ATP2B3: variants seen among roughly 807,000 people sequenced by gnomAD.
ATP2B3 encodes ATPase plasma membrane Ca2+ transporting 3, also known as plasma membrane calcium-transporting ATPase 3.
ATP2B3 carries 12 observed loss-of-function variants against 70.8 expected under a neutral mutation model. The observed-to-expected ratio is 0.17, with a 90% CI of 0.11 to 0.27. The LOEUF is 0.27. Ranked by LOEUF, ATP2B3 falls within the 10% of genes least tolerant of loss-of-function variation. ATP2B3 has a pLI of 1.00. For synonymous variants in ATP2B3, 460 were observed against 497.8 expected (o/e 0.92, Z 1.01); for missense variants, 858 against 1,118.5 (o/e 0.77, Z 3.32).
At chrX:153,570,466 GTCAC>G (rs1176051505) in intron 21 of ATP2B3, among the ~76,000 whole-genome samples, 1 of 112,212 alleles carries the variant, frequency 8.9e-6, no homozygotes, top group Non-Finnish European at 1.9e-5. Flanking sequence ...CACCATGTTG[GTCAC>G]AGTTTAAAGA....
intron 21 of ATP2B3, among the ~76,000 whole-genome samples, chrX:153,575,140 C>G (rs948700228): frequency 1.1e-4 from 12 of 112,653 alleles, no homozygotes; most frequent in African/African-American, 3.5e-4. Flanking sequence ...TGTTCAGAAA[C>G]AGCTCCAGCC....
At chrX:153,569,651 G>A in intron 21 of ATP2B3, 4 of 1,211,459 alleles carry the variant, frequency 3.3e-6, no homozygotes, top group Non-Finnish European at 4.5e-6. Context: ...TCAGGGTGCT[G>A]TGCGCCGGCG....
At chrX:153,526,000 G>A (rs1603016850) in intron 2 of ATP2B3, among the ~76,000 whole-genome samples, 2 of 113,202 alleles carry the variant, frequency 1.8e-5, no homozygotes, top group East Asian at 2.8e-4. Context: ...GGGCTCCCAG[G>A]CCACCGCCTG....
intron 3 of ATP2B3, 96 bp from the exon 4 acceptor site, chrX:153,541,263 G>C (rs1557006095): frequency 9.4e-7 from 1 of 1,064,707 alleles, no homozygotes; most frequent in East Asian, 3.1e-5. Flanking sequence ...GCCACCCCAG[G>C]AGCAGTCAGT....
intron 7 of ATP2B3, among the ~76,000 whole-genome samples, chrX:153,543,669 C>A (rs1426281888): frequency 2.7e-5 from 3 of 113,028 alleles, no homozygotes; most frequent in Non-Finnish European, 5.6e-5. Context: ...CAGGAGGGCC[C>A]ATTCCTCGTC....
intron 20 of ATP2B3, among the ~76,000 whole-genome samples, chrX:153,562,990 C>G (rs1603106881): frequency 9.0e-6 from 1 of 111,364 alleles, no homozygotes; most frequent in East Asian, 2.8e-4. Flanking sequence ...CTCCTAGGAG[C>G]ATTAATCCAG....
chrX:153,565,060 G>A lies in ATP2B3; in HGVS notation c.3299G>A (p.Gly1100Asp). Residue 1100 changes from glycine to aspartate, a missense_variant, in exon 21 of 22, where the codon GGC becomes GAC. Gly to Asp is a moderately conservative substitution (Grantham distance 94). Coordinates refer to ENST00000263519, the MANE Select transcript of ATP2B3 (RefSeq NM_001001344.3). ...CATGCCGAGCGGGAGCTCCGCAGGG[G>A]CCAGATCCTCTGGTTCCGGGGCCTG... is the stretch of plus-strand genomic sequence containing the variant. ...IDHAERELRR[G>D]QILWFRGLNR... The A allele has an allele frequency of 8.3e-7, 1 of 1,199,015 alleles. No individual in the cohort carries two copies.
chrX:153,521,851 A>T (rs1556997941), intron 2 of ATP2B3, among the ~76,000 whole-genome samples: 1 of 111,982 alleles, frequency 8.9e-6, no homozygotes, highest in East Asian at 2.8e-4. Context: ...CAGAGAGAGA[A>T]CATTTCCATC....
chrX:153,522,808 G>A lies in ATP2B3; in HGVS notation c.-127+4257G>A, dbSNP rs2089976879. Among the ~76,000 whole-genome samples the A allele has an allele frequency of 6.3e-5, 7 of 111,653 alleles. No homozygotes were observed. The Admixed American group carries it at 6.6e-4, about 11-fold the overall frequency. ...CACACCCAGCATGGGGCAAAAACCA[G>A]ATCCGGCCACCGCCTGGTCCTTATT... On this transcript the variant is annotated intron_variant, in intron 2 of 21. Transcript: ENST00000263519.
In ATP2B3 at chrX:153,556,285, C is replaced by T. The variant is rs373832891; in HGVS notation, c.2239-46C>T. On this transcript the variant is annotated intron_variant, in intron 14 of 21. Transcript: ENST00000263519. ...CCCTTCTCCTCACCCCAGCCCCCTG[C>T]GTGCCCGCCTTAGCTCTGCAGCGTC... 3.2e-5 allele frequency: 38 copies of T among 1,198,648 alleles called. 1 individual carries two copies. In the African/African-American group the frequency reaches 5.6e-4, roughly 18 times the overall value.
chrX:153,580,160 G>GCCCCCCCA lies in ATP2B3; in HGVS notation c.3530_3531insCCACCCCC (p.Ser1178HisfsTer12). ...ACGAGGAGCGCCTCCGGGCCCCCCCGCCCCCGTCCCCCAACCAGAACAACA... is the reference window on the plus strand; with the variant it reads ...ACGAGGAGCGCCTCCGGGCCCCCCCGCCCCCCCACCCCCGTCCCCCAACCAGAACAACA... On this transcript the variant is annotated frameshift_variant, in exon 22 of 22. Coordinates refer to ENST00000263519, the MANE Select transcript of ATP2B3 (RefSeq NM_001001344.3). LOFTEE classifies it high-confidence loss of function. The GCCCCCCCA allele has an allele frequency of 9.5e-7, 1 of 1,056,228 alleles. No homozygotes were observed. Among genetic ancestry groups the GCCCCCCCA allele is most frequent in the Non-Finnish European group, 1.2e-6 (1 of 812,029 alleles). The allele number at this position is 1,056,228 out of a possible 1,213,427, so 87.0% of individuals were successfully genotyped here.
At chrX:153,534,706 C>T (rs2090164976) in intron 2 of ATP2B3, among the ~76,000 whole-genome samples, 1 of 113,261 alleles carries the variant, frequency 8.8e-6, no homozygotes, top group South Asian at 3.6e-4. Flanking sequence ...GGCACAGGCA[C>T]ATGGCCATCA....
chrX:153,574,485 A>G (rs1452884226), intron 21 of ATP2B3, among the ~76,000 whole-genome samples: 1 of 111,700 alleles, frequency 9.0e-6, no homozygotes, highest in Non-Finnish European at 1.9e-5. Flanking sequence ...GAGACTGAGC[A>G]GAGAGCATGG....
At position 153,536,398 on chromosome X, in the gene ATP2B3, G is replaced by T; in HGVS notation, c.151G>T (p.Glu51Ter). The change falls in exon 3 of 22, where the codon GAG (glutamate) becomes TAG (stop). Residue 51 changes from glutamate to a stop codon, truncating the protein, a stop_gained. Transcript: ENST00000263519. LOFTEE classifies it high-confidence loss of function. ...RGAEALQKIE[E>*]AYGDVSGLCR... ...GGCCGAGGCGCTGCAGAAGATCGAG[G>T]AGGCCTACGGGGATGTCAGCGGGCT... is the stretch of plus-strand genomic sequence containing the variant. The T allele has an allele frequency of 8.3e-7, 1 of 1,205,736 alleles. No homozygotes were observed. The highest frequency in any genetic ancestry group is 1.8e-5 in the South Asian group (1 of 55,554).
chrX:153,553,965 A>G (rs1462992702), intron 13 of ATP2B3, among the ~76,000 whole-genome samples: 12 of 113,649 alleles, frequency 1.1e-4, no homozygotes, highest in Non-Finnish European at 1.9e-4. Context: ...GACCCTGACA[A>G]CTTGTCTTTG....
intron 8 of ATP2B3, 92 bp downstream of exon 8, chrX:153,546,221 C>T (rs782803757): frequency 3.9e-4 from 416 of 1,065,110 alleles, no homozygotes; most frequent in Non-Finnish European, 5.2e-4. Context: ...TCACCTGCCT[C>T]GGTGGCAGGA....
intron 17 of ATP2B3, chrX:153,559,373 A>G (rs1354764397): frequency 4.4e-6 from 1 of 226,754 alleles, no homozygotes; most frequent in African/African-American, 2.8e-5. Flanking sequence ...TCCAGTTCAG[A>G]GTTTCTGCCT....
Position 153,557,983 on chromosome X carries a change from G to A in ATP2B3, c.2434-129G>A, listed in dbSNP as rs1020355768. Reference sequence around the variant, plus strand: ...AAAAACAGTGCTGTTCTTGGCTTTGGGGGGCGGGGTGGGATGTTATTCAGA... The same window carrying A: ...AAAAACAGTGCTGTTCTTGGCTTTGAGGGGCGGGGTGGGATGTTATTCAGA... On this transcript the variant is annotated intron_variant, in intron 16 of 21. Transcript: ENST00000263519. 10 of 584,070 alleles carry A rather than the reference G, an allele frequency of 1.7e-5. No homozygotes were observed. In the Admixed American group the frequency reaches 3.1e-4, roughly 18 times the overall value. The allele number at this position is 584,070 out of a possible 1,213,427, so 48.1% of individuals were successfully genotyped here.
chrX:153,559,883 A>G lies in ATP2B3; in HGVS notation c.2780A>G (p.Lys927Arg). 8.2e-7 allele frequency: 1 copy of G among 1,212,184 alleles called. No individual in the cohort carries two copies. The highest frequency in any genetic ancestry group is 1.1e-6 in the Non-Finnish European group (1 of 895,580). Residue 927 changes from lysine (K) to arginine (R), a missense_variant, in exon 18 of 22, where the codon AAG becomes AGG. By Grantham distance (26) the Lys-to-Arg change is conservative. Transcript: ENST00000263519. ...DKPLISRTMM[K>R]NILGHAVYQL... ...CCCCTCATCTCCCGCACCATGATGAAGAACATTCTGGGCCACGCCGTGTAC... is the reference window on the plus strand; with the variant it reads ...CCCCTCATCTCCCGCACCATGATGAGGAACATTCTGGGCCACGCCGTGTAC...
Sources: gnomAD v4.1 joint callset for allele counts (sites outside exome capture counted in the v4.1 genomes callset) on GRCh38, gnomAD v4.1.1 for gene constraint, MANE v1.5 for transcripts, NCBI Gene and HGNC (gene_info 2026-07-23, HGNC 2026-07-21) for gene names.